The following IL1RAPL1 variants were observed in gnomAD, a reference collection of about 807,000 sequenced individuals.
IL1RAPL1 encodes the protein interleukin 1 receptor accessory protein like 1, also known as interleukin-1 receptor accessory protein-like 1.
A neutral mutation model predicts 48.4 loss-of-function variants in IL1RAPL1; 3 were observed. The observed-to-expected ratio is 0.06, with a 90% CI of 0.03 to 0.16. The LOEUF (loss-of-function observed/expected upper bound fraction) is 0.16, where lower values mean the gene tolerates loss of function less well. IL1RAPL1 is among the 10% of genes least tolerant of loss of function. The probability of loss-of-function intolerance (pLI) is 1.00; values close to 1 mark genes in which losing one functional copy is unlikely to be tolerated. For synonymous variants in IL1RAPL1, 185 were observed against 187.7 expected, an observed-to-expected ratio of 0.99 and a Z score of 0.12; for missense variants, 349 against 530.6, an observed-to-expected ratio of 0.66 and a Z score of 3.36.
At chrX:29,078,616 T>G (rs1927735579) in intron 2 of IL1RAPL1, among the ~76,000 whole-genome samples, 1 of 112,297 alleles carries the variant, frequency 8.9e-6, no homozygotes. Flanking sequence ...AGCGTTAAGT[T>G]ATTTTACTCA....
In IL1RAPL1 at chrX:29,506,630, A is replaced by C. The variant is rs145055651; in HGVS notation, c.703+107322A>C. Among the ~76,000 whole-genome samples the C allele has an allele frequency of 1.4e-3, 158 of 110,795 alleles. 1 individual carries two copies. Among genetic ancestry groups the C allele is most frequent in the African/African-American group, 4.6e-3 (141 of 30,392 alleles). On this transcript the variant is annotated intron_variant, in intron 5 of 10. Coordinates refer to ENST00000378993, the MANE Select transcript of IL1RAPL1 (RefSeq NM_014271.4). ...CAAGGGGATATTGCAGTACTATGGG[A>C]AGGCTATCTTGGGTTTCATGCCCAG...
At chrX:29,014,968 A>C (rs1315733856) in intron 2 of IL1RAPL1, among the ~76,000 whole-genome samples, 1 of 111,426 alleles carries the variant, frequency 9.0e-6, no homozygotes, top group Non-Finnish European at 1.9e-5. Flanking sequence ...TGAATAAGTA[A>C]TCTTTCTCCC....
chrX:28,937,247 G>A (rs1036872385), intron 2 of IL1RAPL1, among the ~76,000 whole-genome samples: 1 of 111,291 alleles, frequency 9.0e-6, no homozygotes, highest in African/African-American at 3.3e-5. Flanking sequence ...ACCCATGAAA[G>A]CACAGTAACT....
At chrX:29,576,559 A>G (rs1164328904) in intron 5 of IL1RAPL1, among the ~76,000 whole-genome samples, 2 of 111,106 alleles carry the variant, frequency 1.8e-5, no homozygotes, top group African/African-American at 6.5e-5. Context: ...GATTATTAAA[A>G]CATACAGGTC....
At chrX:29,044,852 T>C (rs1926920832) in intron 2 of IL1RAPL1, among the ~76,000 whole-genome samples, 1 of 111,995 alleles carries the variant, frequency 8.9e-6, no homozygotes, top group Non-Finnish European at 1.9e-5. Context: ...TTATTCTCTA[T>C]TGCTTTTCAT....
intron 2 of IL1RAPL1, among the ~76,000 whole-genome samples, chrX:29,204,881 T>G (rs1373633876): frequency 1.8e-5 from 2 of 111,833 alleles, no homozygotes; most frequent in Non-Finnish European, 3.8e-5. Flanking sequence ...ATTCTTGGGT[T>G]GTAGAAGATT....
intron 1 of IL1RAPL1, among the ~76,000 whole-genome samples, chrX:28,603,975 T>A (rs1462602069): frequency 8.9e-6 from 1 of 112,296 alleles, no homozygotes; most frequent in African/African-American, 3.2e-5. Flanking sequence ...TAGCCAAAGA[T>A]TTTGGTTGCA....
intron 5 of IL1RAPL1, among the ~76,000 whole-genome samples, chrX:29,531,250 A>G (rs1169792216): frequency 9.0e-6 from 1 of 110,820 alleles, no homozygotes; most frequent in Non-Finnish European, 1.9e-5. Flanking sequence ...ACAATCAGTT[A>G]CTTAGGAAAG....
intron 6 of IL1RAPL1, among the ~76,000 whole-genome samples, chrX:29,765,240 C>G (rs1270074279): frequency 1.1e-5 from 1 of 91,680 alleles, no homozygotes; most frequent in Non-Finnish European, 2.1e-5. Flanking sequence ...AGCAGTAGTT[C>G]TAGGCTTTTT....
chrX:29,021,936 G>C (rs1285494335), intron 2 of IL1RAPL1, among the ~76,000 whole-genome samples: 1 of 111,826 alleles, frequency 8.9e-6, no homozygotes, highest in Non-Finnish European at 1.9e-5. Flanking sequence ...TTGAAATGCA[G>C]TCATCTCCTT....
intron 1 of IL1RAPL1, among the ~76,000 whole-genome samples, chrX:28,758,555 G>A (rs1474431850): frequency 1.8e-5 from 2 of 111,115 alleles, no homozygotes; most frequent in Admixed American, 1.9e-4. Flanking sequence ...AGCTGCCATT[G>A]TTAAGGTTCC....
At chrX:29,083,468 G>C (rs2147450426) in intron 2 of IL1RAPL1, among the ~76,000 whole-genome samples, 1 of 111,748 alleles carries the variant, frequency 8.9e-6, no homozygotes, top group East Asian at 2.8e-4. Context: ...ACCAAGGTAA[G>C]GGGCTGCCCA....
chrX:29,881,879 C>CA (rs887097447), intron 6 of IL1RAPL1, among the ~76,000 whole-genome samples: 1 of 111,283 alleles, frequency 9.0e-6, no homozygotes, highest in African/African-American at 3.3e-5. Context: ...TTTACTCTCC[C>CA]ACAAGCTACT....
At chrX:29,033,870 TGAAAA>T (rs1346896541) in intron 2 of IL1RAPL1, among the ~76,000 whole-genome samples, 7 of 102,121 alleles carry the variant, frequency 6.9e-5, no homozygotes, top group Non-Finnish European at 1.0e-4. Flanking sequence ...CCAATGAGAA[TGAAAA>T]GAAAAGGGAA....
At chrX:29,866,825 T>G (rs1397089035) in intron 6 of IL1RAPL1, among the ~76,000 whole-genome samples, 1 of 109,475 alleles carries the variant, frequency 9.1e-6, no homozygotes, top group Non-Finnish European at 1.9e-5. Flanking sequence ...ATTAATATGA[T>G]CATTGCAATA....
intron 1 of IL1RAPL1, among the ~76,000 whole-genome samples, chrX:28,752,940 G>A (rs1936060220): frequency 1.8e-5 from 2 of 112,369 alleles, no homozygotes; most frequent in South Asian, 3.7e-4. Flanking sequence ...CTTATGTTTA[G>A]CATACATACT....
At chrX:28,711,998 G>A (rs754820533) in intron 1 of IL1RAPL1, among the ~76,000 whole-genome samples, 17 of 110,804 alleles carry the variant, frequency 1.5e-4, no homozygotes, top group South Asian at 3.7e-4. Context: ...AACTTTCATC[G>A]CAAACCTAAA....
At chrX:29,187,879 T>G (rs1225307676) in intron 2 of IL1RAPL1, among the ~76,000 whole-genome samples, 1 of 111,550 alleles carries the variant, frequency 9.0e-6, no homozygotes, top group Non-Finnish European at 1.9e-5. Flanking sequence ...TTGACCAGCC[T>G]GAAACTGGAA....
At chrX:29,948,714 AG>A (rs1488390853) in intron 9 of IL1RAPL1, among the ~76,000 whole-genome samples, 1 of 110,923 alleles carries the variant, frequency 9.0e-6, no homozygotes, top group Non-Finnish European at 1.9e-5. Flanking sequence ...GATTAAAAAA[AG>A]ATGAACTATA....
Sources: allele counts gnomAD v4.1 joint callset (sites outside exome capture counted in the v4.1 genomes callset), GRCh38; gene constraint gnomAD v4.1.1; transcripts MANE v1.5; gene names NCBI Gene and HGNC (gene_info 2026-07-23, HGNC 2026-07-21).